EIPR1: variants seen among roughly 807,000 people sequenced by gnomAD.
EIPR1 encodes the protein EARP complex and GARP complex interacting protein 1.
A neutral mutation model predicts 48.1 loss-of-function variants in EIPR1; 25 were observed. The ratio of observed to expected loss-of-function variants is 0.52; its 90% CI spans 0.38 to 0.73. The LOEUF is 0.73. Ranked by LOEUF, EIPR1 falls within the 30% of genes least tolerant of loss-of-function variation. The pLI, the probability that EIPR1 is intolerant of heterozygous loss-of-function variation, is 0.00. For synonymous variants in EIPR1, 204 were observed against 201.9 expected, an observed-to-expected ratio of 1.01 and a Z score of -0.09; for missense variants, 415 against 506.2, an observed-to-expected ratio of 0.82 and a Z score of 1.73.
At chr2:3,277,431 C>G (rs987666610) in intron 3 of EIPR1, among the ~76,000 whole-genome samples, 2 of 152,202 alleles carry the variant, frequency 1.3e-5, no homozygotes, top group African/African-American at 2.4e-5. Context: ...TGCCTTGACC[C>G]CATGTCAAAG....
intron 3 of EIPR1, among the ~76,000 whole-genome samples, chr2:3,295,384 A>G (rs1198710932): frequency 9.3e-6 from 1 of 106,978 alleles, no homozygotes; most frequent in Admixed American, 1.0e-4. Flanking sequence ...CCCTCCATCC[A>G]GGCTATCCTC....
chr2:3,300,586 G>C (rs1668735687), intron 3 of EIPR1, among the ~76,000 whole-genome samples: 2 of 152,178 alleles, frequency 1.3e-5, no homozygotes, highest in African/African-American at 4.8e-5. Context: ...TGTACTTCAG[G>C]GTCAAATGGG....
intron 3 of EIPR1, among the ~76,000 whole-genome samples, chr2:3,302,952 C>T (rs1204285977): frequency 6.6e-6 from 1 of 152,208 alleles, no homozygotes; most frequent in African/African-American, 2.4e-5. Flanking sequence ...ACAGCAGGGA[C>T]ACGAAATCTG....
chr2:3,359,928 G>A (rs569864742), intron 1 of EIPR1, among the ~76,000 whole-genome samples: 4 of 152,114 alleles, frequency 2.6e-5, no homozygotes, highest in East Asian at 3.9e-4. Context: ...ATGTGACTTC[G>A]CCTCTGCCTC....
chr2:3,342,067 A>G (rs944023776), intron 2 of EIPR1, among the ~76,000 whole-genome samples: 2 of 152,184 alleles, frequency 1.3e-5, no homozygotes, highest in Non-Finnish European at 2.9e-5. Flanking sequence ...GTTTGTTATA[A>G]TATGTAAATA....
At chr2:3,344,326 A>G (rs1179397408) in intron 2 of EIPR1, among the ~76,000 whole-genome samples, 3 of 152,230 alleles carry the variant, frequency 2.0e-5, no homozygotes, top group Admixed American at 6.5e-5. Flanking sequence ...CAGATCCTGG[A>G]CAGAACAAGC....
intron 3 of EIPR1, among the ~76,000 whole-genome samples, chr2:3,296,556 T>C (rs2103286870): frequency 7.4e-6 from 1 of 134,672 alleles, no homozygotes. Context: ...CCATCCTCTG[T>C]ATACACACAC....
At chr2:3,205,553 T>C (rs906968126) in intron 5 of EIPR1, among the ~76,000 whole-genome samples, 3 of 152,270 alleles carry the variant, frequency 2.0e-5, no homozygotes, top group Non-Finnish European at 2.9e-5. Flanking sequence ...CTTCTTGTTA[T>C]AGCAGATAAT....
At chr2:3,339,899 G>A (rs975241172) in intron 2 of EIPR1, among the ~76,000 whole-genome samples, 30 of 152,314 alleles carry the variant, frequency 2.0e-4, no homozygotes, top group African/African-American at 6.5e-4. Flanking sequence ...GCAGTGAGCC[G>A]AGATGGCGCC....
chr2:3,319,234 T>A lies in EIPR1; in HGVS notation c.259+18783A>T, dbSNP rs147420513. 499 of 330,252 alleles carry A rather than the reference T, an allele frequency of 1.5e-3. 2 individuals are homozygous for A. Among genetic ancestry groups the A allele is most frequent in the African/African-American group, 0.01 (473 of 46,600 alleles). The allele number at this position is 330,252 out of a possible 1,614,324, so 20.5% of individuals were successfully genotyped here. A position where few individuals can be genotyped will look rare whatever the true frequency, so the allele number is the denominator to read the frequency against. Reference sequence around the variant, plus strand: ...CAAAATCTGTGCCTCAGAAGCAGCATCCTTGAAGCCTTGTAGCTGTAGGTC... The same window carrying A: ...CAAAATCTGTGCCTCAGAAGCAGCAACCTTGAAGCCTTGTAGCTGTAGGTC... On this transcript the variant is annotated intron_variant, in intron 3 of 8. Transcript: ENST00000382125.
chr2:3,322,412 T>G (rs1669563075), intron 3 of EIPR1, among the ~76,000 whole-genome samples: 1 of 152,180 alleles, frequency 6.6e-6, no homozygotes. Flanking sequence ...CAAATGACAA[T>G]GAATGTCTAG....
chr2:3,256,272 G>A (rs925090502), intron 4 of EIPR1, among the ~76,000 whole-genome samples: 3 of 152,152 alleles, frequency 2.0e-5, no homozygotes, highest in African/African-American at 7.2e-5. Context: ...CCTCGTAAGC[G>A]AATCCCTCTT....
intron 3 of EIPR1, among the ~76,000 whole-genome samples, chr2:3,308,568 G>A (rs527495433): frequency 1.4e-4 from 21 of 152,318 alleles, no homozygotes; most frequent in Non-Finnish European, 2.4e-4. Flanking sequence ...AGTCTCCAGA[G>A]AGGAGAAAGT....
At chr2:3,273,468 C>T (rs1032218882) in intron 3 of EIPR1, among the ~76,000 whole-genome samples, 15 of 152,120 alleles carry the variant, frequency 9.9e-5, no homozygotes, top group Non-Finnish European at 1.9e-4. Context: ...AACCTCATTA[C>T]ACGAATGAGC....
chr2:3,272,622 G>A (rs777198346), intron 3 of EIPR1, among the ~76,000 whole-genome samples: 3 of 152,156 alleles, frequency 2.0e-5, no homozygotes, highest in Non-Finnish European at 4.4e-5. Context: ...GGCATGGTTC[G>A]TGGAGCCCCA....
chr2:3,338,465 G>A (rs985021005), intron 2 of EIPR1, among the ~76,000 whole-genome samples: 32 of 152,326 alleles, frequency 2.1e-4, no homozygotes, highest in African/African-American at 7.5e-4. Context: ...CCGAGCCACT[G>A]TTGGTGTCAC....
intron 6 of EIPR1, among the ~76,000 whole-genome samples, chr2:3,194,697 G>GCC (rs1553277870): frequency 1.8e-5 from 2 of 113,236 alleles, no homozygotes; most frequent in Non-Finnish European, 3.8e-5. Flanking sequence ...GAGAGAGAAA[G>GCC]GGGGGGGCAG....
At chr2:3,351,743 G>T (rs1248884908) in intron 2 of EIPR1, among the ~76,000 whole-genome samples, 1 of 152,114 alleles carries the variant, frequency 6.6e-6, no homozygotes, top group Non-Finnish European at 1.5e-5. Context: ...CAAAACATTA[G>T]AAAGAAAAGA....
At position 3,214,264 on chromosome 2, in the gene EIPR1, G is replaced by A. The variant is rs1665553901; in HGVS notation, c.417-16C>T. On this transcript the variant is annotated splice_polypyrimidine_tract_variant and intron_variant, in intron 4 of 8. Transcript: ENST00000382125. Reference sequence around the variant, plus strand: ...CCACACGACACTAAGAGAAAGAGAAGTACCAAATGTTAACATAAACATTTG... The same window carrying A: ...CCACACGACACTAAGAGAAAGAGAAATACCAAATGTTAACATAAACATTTG... The A allele has an allele frequency of 1.2e-6, 2 of 1,608,728 alleles. No individual in the cohort carries two copies. Among genetic ancestry groups the A allele is most frequent in the African/African-American group, 1.3e-5 (1 of 74,764 alleles).
Sources: allele counts gnomAD v4.1 joint callset (sites outside exome capture counted in the v4.1 genomes callset), GRCh38; gene constraint gnomAD v4.1.1; transcripts MANE v1.5; gene names NCBI Gene and HGNC (gene_info 2026-07-23, HGNC 2026-07-21).